The following PDE8B variants were observed in gnomAD, a reference collection of about 807,000 sequenced individuals.
The protein encoded by PDE8B is high affinity cAMP-specific and IBMX-insensitive 3',5'-cyclic phosphodiesterase 8B.
In PDE8B, 26 loss-of-function variants were observed where a neutral mutation model predicts 101.3. The observed-to-expected ratio is 0.26, with a 90% confidence interval of 0.19 to 0.36. The LOEUF is 0.36. Among genes scored for constraint, PDE8B ranks in the 10% least tolerant of loss-of-function variants. PDE8B has a pLI of 1.00. For missense variants in PDE8B, 810 were observed against 1,163.1 expected (o/e 0.70, Z 4.42); for synonymous variants, 424 against 429.3 (o/e 0.99, Z 0.15).
chr5:77,419,673 T>A, intron 18 of PDE8B, 94 bp from the exon 19 acceptor site: 1 of 1,449,400 alleles, frequency 6.9e-7, no homozygotes, highest in South Asian at 1.1e-5. Context: ...CCCAGCTTCC[T>A]CCTAGGTTGT....
At chr5:77,326,658 T>C (rs1458426963) in intron 3 of PDE8B, among the ~76,000 whole-genome samples, 1 of 152,174 alleles carries the variant, frequency 6.6e-6, no homozygotes, top group Non-Finnish European at 1.5e-5. Flanking sequence ...TATTTTTCTA[T>C]TTAATAGTGT....
intron 10 of PDE8B, among the ~76,000 whole-genome samples, chr5:77,394,984 C>T (rs1015751483): frequency 2.6e-5 from 4 of 152,070 alleles, no homozygotes; most frequent in Non-Finnish European, 5.9e-5. Context: ...AAATATTTTC[C>T]AATCTAGGGT....
At chr5:77,291,884 T>G in intron 1 of PDE8B, 1 of 1,258,508 alleles carries the variant, frequency 7.9e-7, no homozygotes, top group South Asian at 1.2e-5. Context: ...AAAGTTTTCC[T>G]TGAATAAATG....
intron 10 of PDE8B, among the ~76,000 whole-genome samples, chr5:77,381,341 T>G (rs1194466809): frequency 6.6e-6 from 1 of 152,206 alleles, no homozygotes; most frequent in East Asian, 1.9e-4. Flanking sequence ...GATGATGGAC[T>G]GGCTCTGGGG....
chr5:77,112,439 A>T, the PDE8B span: 2 of 152,070 alleles, frequency 1.3e-5, no homozygotes, highest in Non-Finnish European at 2.9e-5. Flanking sequence ...TTCTCTTTCC[A>T]TTATCTCGTT....
intron 10 of PDE8B, among the ~76,000 whole-genome samples, chr5:77,381,093 G>C (rs1787357342): frequency 6.6e-6 from 1 of 152,202 alleles, no homozygotes; most frequent in African/African-American, 2.4e-5. Context: ...CTGGAGAGCT[G>C]GCAGGGACCA....
chr5:77,369,942 T>C (rs1345288003), intron 10 of PDE8B, among the ~76,000 whole-genome samples: 5 of 152,202 alleles, frequency 3.3e-5, no homozygotes, highest in African/African-American at 9.7e-5. Context: ...TACAGCAAAG[T>C]TGAAAGAATT....
chr5:77,093,569 A>G, the PDE8B span, among the ~76,000 whole-genome samples: 1 of 152,120 alleles, frequency 6.6e-6, no homozygotes, highest in Non-Finnish European at 1.5e-5. Flanking sequence ...TTTTTCAGTG[A>G]GAATCGTGTG....
the PDE8B span, among the ~76,000 whole-genome samples, chr5:77,121,862 C>T: frequency 6.6e-6 from 1 of 152,134 alleles, no homozygotes; most frequent in Non-Finnish European, 1.5e-5. Context: ...GTTTGGAAAC[C>T]ACAACAGATT....
the PDE8B span, among the ~76,000 whole-genome samples, chr5:77,103,192 T>C: frequency 1.1e-4 from 17 of 152,198 alleles, no homozygotes; most frequent in African/African-American, 4.1e-4. Context: ...GCATCTAAAA[T>C]TATTTGACCT....
chr5:77,218,252 T>A (rs1369049661), intron 1 of PDE8B, among the ~76,000 whole-genome samples: 1 of 152,256 alleles, frequency 6.6e-6, no homozygotes, highest in East Asian at 1.9e-4. Flanking sequence ...TAATATTAGT[T>A]GTTATTTAAG....
chr5:77,276,428 T>C (rs1763862981), intron 1 of PDE8B, among the ~76,000 whole-genome samples: 1 of 152,254 alleles, frequency 6.6e-6, no homozygotes, highest in Non-Finnish European at 1.5e-5. Context: ...TGATTTATTT[T>C]CTTCATGCCA....
intron 1 of PDE8B, chr5:77,213,929 A>T (rs1247255845): frequency 1.3e-5 from 2 of 151,472 alleles, no homozygotes; most frequent in Non-Finnish European, 2.9e-5. Flanking sequence ...CAAAAAAAAA[A>T]GGGTTATAAG....
chr5:77,115,348 A>ATAAATGTG, the PDE8B span: 1 of 152,252 alleles, frequency 6.6e-6, no homozygotes, highest in African/African-American at 2.4e-5. Flanking sequence ...CAATGGATGA[A>ATAAATGTG]TAAATGTGTG....
intron 10 of PDE8B, among the ~76,000 whole-genome samples, chr5:77,374,345 T>G (rs1366815551): frequency 1.3e-5 from 2 of 152,198 alleles, no homozygotes; most frequent in African/African-American, 4.8e-5. Context: ...ATTTGGAATG[T>G]TTAGTCCACT....
At chr5:77,297,693 C>A (rs832789) in intron 1 of PDE8B, among the ~76,000 whole-genome samples, 27,724 of 152,172 alleles carry the variant, frequency 0.18, 2,645 homozygotes, top group Non-Finnish European at 0.21. Context: ...CTCACCACAG[C>A]AGCCTTCTGT....
chr5:77,219,633 A>G (rs1750647811), intron 1 of PDE8B, among the ~76,000 whole-genome samples: 1 of 152,184 alleles, frequency 6.6e-6, no homozygotes. Flanking sequence ...TACATTTATG[A>G]AGGCCAGTGA....
At chr5:77,395,178 G>A (rs1021677228) in intron 10 of PDE8B, among the ~76,000 whole-genome samples, 1 of 151,732 alleles carries the variant, frequency 6.6e-6, no homozygotes, top group Non-Finnish European at 1.5e-5. Context: ...GTGCAGTGGC[G>A]CGATCTCGGC....
chr5:77,093,992 T>C, the PDE8B span, among the ~76,000 whole-genome samples: 1 of 152,138 alleles, frequency 6.6e-6, no homozygotes, highest in Non-Finnish European at 1.5e-5. Context: ...ACAAACAGAT[T>C]GGCTTAAAAC....
Sources: gnomAD v4.1 joint callset for allele counts (sites outside exome capture counted in the v4.1 genomes callset) on GRCh38, gnomAD v4.1.1 for gene constraint, MANE v1.5 for transcripts, NCBI Gene and HGNC (gene_info 2026-07-23, HGNC 2026-07-21) for gene names.